Variants in PTPRD observed in about 807,000 individuals in gnomAD.
PTPRD encodes the protein protein tyrosine phosphatase receptor type D, also known as receptor-type tyrosine-protein phosphatase delta.
A neutral mutation model predicts 214.5 loss-of-function variants in PTPRD; 34 were observed. The ratio of observed to expected loss-of-function variants is 0.16; its 90% confidence interval spans 0.12 to 0.21. PTPRD has a LOEUF of 0.21. PTPRD is among the 10% of genes least tolerant of loss of function. PTPRD has a pLI of 1.00. For missense variants in PTPRD, 2,545 were observed against 2,398.7 expected (o/e 1.06, Z -1.27); for synonymous variants, 1,128 against 845.7 (o/e 1.33, Z -5.79).
chr9:10,532,623 T>TTATATATATTAGATATTTCTAA lies in PTPRD; in HGVS notation c.-600+79753_-600+79774dup, dbSNP rs894684085. ...TATAAATCCTATATATATTAGATAT[T>TTATATATATTAGATATTTCTAA]TATATATATTAGATATTTCTAATAT... is the stretch of plus-strand genomic sequence containing the variant. On this transcript the variant is annotated intron_variant, in intron 2 of 45. Coordinates refer to ENST00000381196, the MANE Select transcript of PTPRD (RefSeq NM_002839.4). Among the ~76,000 whole-genome samples the TTATATATATTAGATATTTCTAA allele has an allele frequency of 2.3e-3, 346 of 147,682 alleles. 10 individuals are homozygous for TTATATATATTAGATATTTCTAA. The East Asian group carries it at 0.043, about 18-fold the overall frequency.
rs761564011 is a variant in PTPRD, at chr9:8,891,137, A to ATTTTTT, written c.-104+127554_-104+127559dup. 4.9e-5 allele frequency among the ~76,000 whole-genome samples: 6 copies of ATTTTTT among 123,626 alleles called. 1 individual carries two copies. The highest frequency in any genetic ancestry group is 1.6e-4 in the African/African-American group (5 of 31,618). The allele number at this position is 123,626 out of a possible 152,430, so 81.1% of individuals were successfully genotyped here. On this transcript the variant is annotated intron_variant, in intron 11 of 45. Coordinates refer to ENST00000381196, the MANE Select transcript of PTPRD (RefSeq NM_002839.4). ...AACTTCTGTGCTTTGAATTAATCTA[A>ATTTTTT]TTTTTTTTTTTTTTGAGACTGAGTC... is the stretch of plus-strand genomic sequence containing the variant.
chr9:10,102,110 C>T (rs546384957), intron 3 of PTPRD, among the ~76,000 whole-genome samples: 1 of 151,750 alleles, frequency 6.6e-6, no homozygotes, highest in South Asian at 2.1e-4. Context: ...CATATAATAA[C>T]ATATTTGAGA....
intron 11 of PTPRD, among the ~76,000 whole-genome samples, chr9:8,751,120 C>G (rs904649118): frequency 6.6e-6 from 1 of 152,158 alleles, no homozygotes; most frequent in African/African-American, 2.4e-5. Context: ...AATAATGTGT[C>G]GCTTTTTAAT....
At chr9:8,651,033 A>G (rs2096796411) in intron 12 of PTPRD, among the ~76,000 whole-genome samples, 1 of 152,182 alleles carries the variant, frequency 6.6e-6, no homozygotes, top group Non-Finnish European at 1.5e-5. Context: ...ATTTTCTGGT[A>G]TACTTCCAAT....
At chr9:9,759,748 G>A (rs1026538331) in intron 6 of PTPRD, among the ~76,000 whole-genome samples, 7 of 151,696 alleles carry the variant, frequency 4.6e-5, no homozygotes, top group African/African-American at 1.4e-4. Context: ...TAGTAGAGAC[G>A]GGGTTTCACC....
chr9:10,128,410 G>C lies in PTPRD; in HGVS notation c.-544-94620C>G, dbSNP rs79289079. 5.8e-3 allele frequency among the ~76,000 whole-genome samples: 886 copies of C among 152,196 alleles called. 4 individuals carry two copies. Among genetic ancestry groups the C allele is most frequent in the South Asian group, 0.021 (102 of 4,824 alleles). On this transcript the variant is annotated intron_variant, in intron 3 of 45. Coordinates refer to ENST00000381196, the MANE Select transcript of PTPRD (RefSeq NM_002839.4). The stretch of plus-strand genomic sequence containing the variant: ...CAGGGAGCACACCATTGAAGATCAA[G>C]GCAGAGATCAGGATGATGCAGCAGA...
At chr9:10,322,474 C>A (rs1357329525) in intron 3 of PTPRD, among the ~76,000 whole-genome samples, 4 of 151,972 alleles carry the variant, frequency 2.6e-5, no homozygotes. Flanking sequence ...CTATAATATA[C>A]AGTGATTTTA....
At chr9:10,358,724 T>C (rs2097323227) in intron 2 of PTPRD, among the ~76,000 whole-genome samples, 1 of 152,002 alleles carries the variant, frequency 6.6e-6, no homozygotes, top group Admixed American at 6.6e-5. Context: ...TGAAATATTA[T>C]ACTGTAACAT....
At chr9:10,414,306 G>T (rs2098466443) in intron 2 of PTPRD, among the ~76,000 whole-genome samples, 1 of 151,838 alleles carries the variant, frequency 6.6e-6, no homozygotes, top group South Asian at 2.1e-4. Context: ...TTCAAAAGAA[G>T]ACATACATGA....
intron 43 of PTPRD, among the ~76,000 whole-genome samples, chr9:8,334,959 A>C (rs1845144157): frequency 6.6e-6 from 1 of 150,964 alleles, no homozygotes; most frequent in Non-Finnish European, 1.5e-5. Flanking sequence ...AGACTAAACC[A>C]GGAAGAAGTT....
intron 5 of PTPRD, among the ~76,000 whole-genome samples, chr9:9,914,709 T>A (rs555891827): frequency 2.1e-4 from 31 of 150,108 alleles, no homozygotes; most frequent in African/African-American, 7.5e-4. Context: ...TTGAAAAACA[T>A]CCCCATACAT....
intron 7 of PTPRD, among the ~76,000 whole-genome samples, chr9:9,644,945 G>A (rs1398066551): frequency 6.6e-6 from 1 of 152,188 alleles, no homozygotes; most frequent in Admixed American, 6.5e-5. Context: ...TGTGTAACCT[G>A]ATTCTTCCTG....
intron 5 of PTPRD, among the ~76,000 whole-genome samples, chr9:9,852,405 T>C (rs994447341): frequency 6.6e-6 from 1 of 151,988 alleles, no homozygotes; most frequent in African/African-American, 2.4e-5. Flanking sequence ...CTAGGATAAA[T>C]GCTAGTAGCA....
At chr9:10,311,736 T>C (rs555808706) in intron 3 of PTPRD, among the ~76,000 whole-genome samples, 4 of 152,142 alleles carry the variant, frequency 2.6e-5, no homozygotes, top group East Asian at 1.9e-4. Flanking sequence ...ATAATCAGAC[T>C]CAACTCTAGG....
At position 9,664,169 on chromosome 9, in the gene PTPRD, C is replaced by T. The variant is rs182550094; in HGVS notation, c.-287+70364G>A. Among the ~76,000 whole-genome samples, 1,362 of 149,360 alleles carry T rather than the reference C, an allele frequency of 9.1e-3. 10 individuals are homozygous for T. The highest frequency in any genetic ancestry group is 0.013 in the Non-Finnish European group (877 of 67,076). ...TACACGTAAAGAGTCCCTTACACAG[C>T]CTGGCTTTAAAATTAAAATTAAAAA... On this transcript the variant is annotated intron_variant, in intron 7 of 45. Coordinates refer to ENST00000381196, the MANE Select transcript of PTPRD (RefSeq NM_002839.4).
chr9:9,654,632 A>C (rs1215662051), intron 7 of PTPRD, among the ~76,000 whole-genome samples: 1 of 152,224 alleles, frequency 6.6e-6, no homozygotes, highest in African/African-American at 2.4e-5. Flanking sequence ...GGAACATTCT[A>C]CATTCCCATG....
At chr9:9,716,628 G>C (rs917747984) in intron 7 of PTPRD, among the ~76,000 whole-genome samples, 5 of 152,138 alleles carry the variant, frequency 3.3e-5, no homozygotes, top group African/African-American at 1.2e-4. Context: ...TTTTTCATGT[G>C]TTTTTTGGCT....
chr9:9,303,310 T>A (rs549265369), intron 9 of PTPRD, among the ~76,000 whole-genome samples: 1 of 152,124 alleles, frequency 6.6e-6, no homozygotes, highest in South Asian at 2.1e-4. Flanking sequence ...ACAATTGGTT[T>A]CATAAAAGAC....
chr9:9,097,415 T>C (rs2099785099), intron 10 of PTPRD, among the ~76,000 whole-genome samples: 1 of 150,578 alleles, frequency 6.6e-6, no homozygotes, highest in Non-Finnish European at 1.5e-5. Context: ...TTTTTTTTTT[T>C]CTTTTTCTTT....
Sources: allele counts gnomAD v4.1 joint callset (sites outside exome capture counted in the v4.1 genomes callset), GRCh38; gene constraint gnomAD v4.1.1; transcripts MANE v1.5; gene names NCBI Gene and HGNC (gene_info 2026-07-23, HGNC 2026-07-21).